The following WWOX variants were observed in gnomAD, a reference collection of about 807,000 sequenced individuals.
WWOX encodes WW domain containing oxidoreductase.
Under a neutral mutation model 46.2 loss-of-function variants are expected in WWOX, and 69 were observed. That is an observed-to-expected ratio of 1.49 (90% CI 1.23 to 1.82). WWOX has a LOEUF of 1.82. Ranked by LOEUF, WWOX falls within the 40% of genes most tolerant of loss-of-function variation. WWOX has a pLI of 0.00. For synonymous variants in WWOX, 359 were observed against 202.6 expected, an observed-to-expected ratio of 1.77 and a Z score of -6.56; for missense variants, 919 against 542.6, an observed-to-expected ratio of 1.69 and a Z score of -6.89.
At chr16:79,191,508 C>G (rs970735720) in intron 8 of WWOX, among the ~76,000 whole-genome samples, 7 of 152,336 alleles carry the variant, frequency 4.6e-5, no homozygotes, top group Admixed American at 4.6e-4. Context: ...GGGCTGTCCT[C>G]TCCTGCTACT....
rs183712712 is a variant in WWOX at position 78,953,948 on chromosome 16, C to G, written c.1057-257660C>G. 2.9e-3 allele frequency among the ~76,000 whole-genome samples: 440 copies of G among 152,304 alleles called. 1 individual carries two copies. Among genetic ancestry groups the G allele is most frequent in the Non-Finnish European group, 3.1e-3 (209 of 68,036 alleles). On this transcript the variant is annotated intron_variant, in intron 8 of 8. Transcript: ENST00000566780. ...TTCAGTAGTCATTTACAAAATGCTG[C>G]TGAATCCAAGTCCCTGTGCAAGATG...
chr16:78,594,372 G>A (rs62034038), intron 8 of WWOX, among the ~76,000 whole-genome samples: 4,039 of 139,634 alleles, frequency 0.029, 79 homozygotes, highest in Non-Finnish European at 0.042. Context: ...ATTTGCTGCA[G>A]CAAAACCTGA....
At chr16:78,858,121 C>T (rs926864372) in intron 8 of WWOX, among the ~76,000 whole-genome samples, 20 of 146,652 alleles carry the variant, frequency 1.4e-4, no homozygotes, top group African/African-American at 4.6e-4. Context: ...AAAAAGATAC[C>T]TCTATATACA....
At chr16:78,834,760 A>G (rs1220212572) in intron 8 of WWOX, among the ~76,000 whole-genome samples, 1 of 152,230 alleles carries the variant, frequency 6.6e-6, no homozygotes, top group African/African-American at 2.4e-5. Context: ...GGCTAACTTC[A>G]GGATGTTGCG....
At chr16:78,471,779 A>T (rs905146896) in intron 8 of WWOX, among the ~76,000 whole-genome samples, 6 of 152,186 alleles carry the variant, frequency 3.9e-5, no homozygotes, top group African/African-American at 1.4e-4. Context: ...TCAAAATAAT[A>T]ACGATGATTT....
At chr16:78,511,116 C>T (rs2085349924) in intron 8 of WWOX, among the ~76,000 whole-genome samples, 1 of 152,178 alleles carries the variant, frequency 6.6e-6, no homozygotes, top group Non-Finnish European at 1.5e-5. Context: ...TAGCAAATTG[C>T]AGGTCCTCCC....
intron 8 of WWOX, among the ~76,000 whole-genome samples, chr16:78,960,557 AG>A (rs1427877886): frequency 2.6e-5 from 4 of 152,236 alleles, no homozygotes; most frequent in African/African-American, 9.6e-5. Flanking sequence ...ACAAGAGAGC[AG>A]GTATTTATTG....
At chr16:78,667,193 A>T (rs113228429) in intron 8 of WWOX, among the ~76,000 whole-genome samples, 1 of 152,168 alleles carries the variant, frequency 6.6e-6, no homozygotes, top group South Asian at 2.1e-4. Context: ...CTATGGGTGA[A>T]CATGTCTGCA....
chr16:78,506,589 G>A (rs1345155043), intron 8 of WWOX: 1 of 152,034 alleles, frequency 6.6e-6, no homozygotes, highest in African/African-American at 2.4e-5. Context: ...GAGCTTTGGA[G>A]TGGAGGCTGT....
At chr16:78,934,351 A>AAAAAAAAAAAAAAAG (rs60762741) in intron 8 of WWOX, among the ~76,000 whole-genome samples, 8 of 147,934 alleles carry the variant, frequency 5.4e-5, no homozygotes, top group Admixed American at 1.3e-4. Flanking sequence ...AAAAAAAAAA[A>AAAAAAAAAAAAAAAG]GAAGAAACTT....
At chr16:78,490,033 C>T (rs1010018894) in intron 8 of WWOX, among the ~76,000 whole-genome samples, 4 of 152,090 alleles carry the variant, frequency 2.6e-5, no homozygotes, top group Admixed American at 1.3e-4. Context: ...TACGGAGCGA[C>T]ATAATTAACC....
chr16:78,421,995 A>G (rs2082944854), intron 6 of WWOX, among the ~76,000 whole-genome samples: 1 of 152,224 alleles, frequency 6.6e-6, no homozygotes, highest in African/African-American at 2.4e-5. Flanking sequence ...ATACAAATAT[A>G]ATAGTATGAA....
At chr16:78,443,652 A>G (rs1179852225) in intron 8 of WWOX, among the ~76,000 whole-genome samples, 2 of 152,172 alleles carry the variant, frequency 1.3e-5, no homozygotes, top group Non-Finnish European at 2.9e-5. Flanking sequence ...AGTATGTGTA[A>G]CAAATTATTT....
chr16:78,472,699 C>A (rs948845523), intron 8 of WWOX, among the ~76,000 whole-genome samples: 2 of 148,242 alleles, frequency 1.3e-5, no homozygotes, highest in Non-Finnish European at 3.0e-5. Flanking sequence ...GTCCCAGCTA[C>A]TTGGGAGGCT....
intron 4 of WWOX, among the ~76,000 whole-genome samples, chr16:78,152,589 ATCTG>A (rs1212898257): frequency 3.9e-5 from 6 of 152,092 alleles, no homozygotes; most frequent in African/African-American, 1.2e-4. Context: ...CCCTTGTAGA[ATCTG>A]TCTGCATGTG....
intron 8 of WWOX, among the ~76,000 whole-genome samples, chr16:78,435,065 C>G (rs536334880): frequency 6.6e-6 from 1 of 152,220 alleles, no homozygotes; most frequent in South Asian, 2.1e-4. Context: ...AAAATACCAG[C>G]AAATTAAGTT....
At chr16:79,190,327 A>G (rs1377837358) in intron 8 of WWOX, among the ~76,000 whole-genome samples, 3 of 152,064 alleles carry the variant, frequency 2.0e-5, no homozygotes, top group Non-Finnish European at 2.9e-5. Flanking sequence ...GCCCGGCCTC[A>G]TATCCTTTTT....
intron 6 of WWOX, among the ~76,000 whole-genome samples, chr16:78,413,377 C>T (rs2082725850): frequency 6.6e-6 from 1 of 152,070 alleles, no homozygotes; most frequent in Non-Finnish European, 1.5e-5. Flanking sequence ...AAGGAGTCAG[C>T]AAAGGGTGAT....
intron 8 of WWOX, among the ~76,000 whole-genome samples, chr16:78,725,916 C>G (rs372196902): frequency 3.7e-4 from 56 of 152,152 alleles, no homozygotes; most frequent in East Asian, 3.1e-3. Context: ...TCCTTTTCTT[C>G]TCTTTTTTCT....
Sources: gnomAD v4.1 joint callset for allele counts (sites outside exome capture counted in the v4.1 genomes callset) on GRCh38, gnomAD v4.1.1 for gene constraint, MANE v1.5 for transcripts, NCBI Gene and HGNC (gene_info 2026-07-23, HGNC 2026-07-21) for gene names.